The following HK2 variants were observed in gnomAD, a reference collection of about 807,000 sequenced individuals.
HK2 encodes hexokinase 2.
A neutral mutation model predicts 92.9 loss-of-function variants in HK2; 42 were observed. That is an observed-to-expected ratio of 0.45 (90% CI 0.35 to 0.58). HK2 has a LOEUF of 0.58. Ranked by LOEUF, HK2 falls within the 20% of genes least tolerant of loss-of-function variation. The pLI, the probability that HK2 is intolerant of heterozygous loss-of-function variation, is 0.00. For synonymous variants in HK2, 422 were observed against 468.0 expected (o/e 0.90, Z 1.27); for missense variants, 978 against 1,245.1 (o/e 0.79, Z 3.23).
In HK2 at chr2:74,890,892, C is replaced by T. The variant is rs1220012365; in HGVS notation, c.2705C>T (p.Ala902Val). 22 of 1,614,092 alleles carry T rather than the reference C, an allele frequency of 1.4e-5. No homozygotes were observed. The highest frequency in any genetic ancestry group is 2.2e-5 in the East Asian group (1 of 44,888). Residue 902 changes from alanine to valine, a missense_variant, in exon 18 of 18, where the codon GCG (alanine) becomes GTG (valine). Around this residue, in one of 3 missense-constraint regions of HK2, gnomAD observed 742 missense variants for 922.5 expected, o/e 0.80. Transcript: ENST00000290573. Reference sequence around the variant, plus strand: ...GAGGATGGCAGCGGGAAGGGGGCGGCGCTCATCACTGCTGTGGCCTGCCGC... The same window carrying T: ...GAGGATGGCAGCGGGAAGGGGGCGGTGCTCATCACTGCTGTGGCCTGCCGC... The part of the protein sequence containing the change: ...QSEDGSGKGA[A>V]LITAVACRIR...
At chr2:74,871,428 T>C (rs1573378684) in intron 3 of HK2, among the ~76,000 whole-genome samples, 1 of 152,202 alleles carries the variant, frequency 6.6e-6, no homozygotes, top group South Asian at 2.1e-4. Context: ...TGAATGCCTC[T>C]AGTCTCAGCC....
intron 1 of HK2, among the ~76,000 whole-genome samples, chr2:74,836,668 A>C (rs1400665504): frequency 6.6e-6 from 1 of 152,206 alleles, no homozygotes; most frequent in African/African-American, 2.4e-5. Flanking sequence ...CCTTTAACTC[A>C]GTAATTGTCA....
chr2:74,872,475 G>A (rs1689119821), intron 4 of HK2, 56 bp downstream of exon 4: 2 of 1,609,074 alleles, frequency 1.2e-6, no homozygotes, highest in Admixed American at 3.3e-5. Context: ...GGAGGGCTGA[G>A]AGGGACTTCT....
At chr2:74,889,861 T>G (rs1344540470) in intron 17 of HK2, among the ~76,000 whole-genome samples, 1 of 152,270 alleles carries the variant, frequency 6.6e-6, no homozygotes, top group Non-Finnish European at 1.5e-5. Context: ...CTGGCTTTTC[T>G]CACACAGTGT....
intron 1 of HK2, among the ~76,000 whole-genome samples, chr2:74,847,626 G>A (rs6756096): frequency 0.018 from 2,763 of 152,244 alleles, 75 homozygotes; most frequent in African/African-American, 0.062. Context: ...TAAGGCTGCA[G>A]CCTAGGAGTT....
At chr2:74,842,754 A>T (rs1008823851) in intron 1 of HK2, among the ~76,000 whole-genome samples, 1 of 152,156 alleles carries the variant, frequency 6.6e-6, no homozygotes, top group Non-Finnish European at 1.5e-5. Flanking sequence ...CTTCCTCTAA[A>T]TTGCTTTTCT....
chr2:74,848,096 T>TAG (rs1688485090), intron 1 of HK2, among the ~76,000 whole-genome samples: 1 of 152,230 alleles, frequency 6.6e-6, no homozygotes, highest in East Asian at 1.9e-4. Flanking sequence ...CTTTTCACAC[T>TAG]GCTGTCTCTA....
At chr2:74,845,770 A>G (rs948483264) in intron 1 of HK2, among the ~76,000 whole-genome samples, 3 of 152,196 alleles carry the variant, frequency 2.0e-5, no homozygotes, top group African/African-American at 7.2e-5. Context: ...ATGGGCTTTC[A>G]GAGGACAGGA....
intron 1 of HK2, among the ~76,000 whole-genome samples, chr2:74,842,380 A>G (rs1688334406): frequency 1.3e-5 from 2 of 152,226 alleles, no homozygotes; most frequent in South Asian, 2.1e-4. Flanking sequence ...TTATTGTAAA[A>G]TAGGCTTTGT....
Position 74,834,237 on chromosome 2 carries a change from G to C in HK2, c.-344G>C, listed in dbSNP as rs1688090756. On this transcript the variant is annotated 5_prime_UTR_variant, in exon 1 of 18. Coordinates refer to ENST00000290573, the MANE Select transcript of HK2 (RefSeq NM_000189.5). The surrounding 1 kb of genome is among the most constrained non-coding windows in gnomAD (Gnocchi z 4.2). ...GAGCCACGCGCCTGTGAATCGGAGA[G>C]GTCCCACTGCCCGAGTGGAGCCGGG... 1 of 414,710 alleles carries C rather than the reference G, an allele frequency of 2.4e-6. No individual in the cohort carries two copies. Among genetic ancestry groups the C allele is most frequent in the Non-Finnish European group, 4.6e-6 (1 of 218,880 alleles). 25.7% of individuals were successfully genotyped at this position (414,710 alleles called of 1,614,324 possible).
chr2:74,861,048 C>G (rs1688813905), intron 2 of HK2, among the ~76,000 whole-genome samples: 1 of 152,194 alleles, frequency 6.6e-6, no homozygotes, highest in South Asian at 2.1e-4. Context: ...TGGTACCAGC[C>G]CTAACGCAGT....
chr2:74,838,619 A>G, intron 1 of HK2, among the ~76,000 whole-genome samples: 1 of 151,252 alleles, frequency 6.6e-6, no homozygotes, highest in Non-Finnish European at 1.5e-5. Context: ...GCTCACTGCA[A>G]ACTCCACCTC....
At chr2:74,882,314 G>A in intron 12 of HK2, 75 bp downstream of exon 12, 1 of 1,607,156 alleles carries the variant, frequency 6.2e-7, no homozygotes, top group Non-Finnish European at 8.5e-7. Flanking sequence ...TATGGAGCAG[G>A]GGAGAAAGTT....
In HK2 at chr2:74,834,635, G is replaced by C. The variant is rs760644714; in HGVS notation, c.55G>C (p.Val19Leu). 6.2e-7 allele frequency: 1 copy of C among 1,613,976 alleles called. No homozygotes were observed. The highest frequency in any genetic ancestry group is 1.7e-5 in the Admixed American group (1 of 60,028). ...CTTCACGGAGCTCAACCATGACCAA[G>C]TGCAGAAGGTAAGTCAGCGCGGGCG... ...YFFTELNHDQ[V>L]QKVDQYLYHM... Residue 19 changes from valine to leucine, a missense_variant, in exon 1 of 18, where the codon GTG becomes CTG. Val to Leu is a conservative substitution (Grantham distance 32, BLOSUM62 1). Coordinates refer to ENST00000290573, the MANE Select transcript of HK2 (RefSeq NM_000189.5). The surrounding 1 kb of genome is among the most constrained non-coding windows in gnomAD (Gnocchi z 4.2).
chr2:74,874,007 G>T (rs542205783), intron 6 of HK2, 64 bp downstream of exon 6: 31 of 1,281,104 alleles, frequency 2.4e-5, no homozygotes, highest in Non-Finnish European at 3.2e-5. Context: ...GGCTGGAAAG[G>T]GAGAAGGGGC....
chr2:74,871,414 C>T (rs527993810), intron 3 of HK2, among the ~76,000 whole-genome samples: 11 of 152,360 alleles, frequency 7.2e-5, no homozygotes, highest in African/African-American at 2.4e-4. Flanking sequence ...TTACTTTTTA[C>T]ACCTGAATGC....
chr2:74,850,529 C>T (rs933111504), intron 1 of HK2, among the ~76,000 whole-genome samples: 10 of 152,104 alleles, frequency 6.6e-5, no homozygotes, highest in African/African-American at 2.4e-4. Context: ...GAACTAGTTA[C>T]CCTAAGGGCC....
intron 9 of HK2, among the ~76,000 whole-genome samples, 158 bp downstream of exon 9, chr2:74,879,079 G>A (rs1001917664): frequency 6.6e-5 from 10 of 152,172 alleles, no homozygotes; most frequent in Admixed American, 1.3e-4. Context: ...GGGCAAGGGG[G>A]AATGGGAGGA....
In HK2 at chr2:74,834,485, C is replaced by G. The variant is rs1688099604; in HGVS notation, c.-96C>G. ...GACTCCCAGCTCCCGGCCCGGCAGC[C>G]GAGCCCCAGCACAAAGCAGTCGGAC... On this transcript the variant is annotated 5_prime_UTR_variant, in exon 1 of 18. Transcript: ENST00000290573. The surrounding 1 kb of genome is among the most constrained non-coding windows in gnomAD (Gnocchi z 4.2). 13 of 1,276,132 alleles carry G rather than the reference C, an allele frequency of 1.0e-5. No homozygotes were observed. Among genetic ancestry groups the G allele is most frequent in the Non-Finnish European group, 1.5e-5 (13 of 881,964 alleles). 79.1% of individuals were successfully genotyped at this position (1,276,132 alleles called of 1,614,324 possible).
Sources: allele counts gnomAD v4.1 joint callset (sites outside exome capture counted in the v4.1 genomes callset), GRCh38; gene constraint gnomAD v4.1.1; regional missense constraint gnomAD v4.1.1; non-coding constraint Gnocchi (gnomAD v3.1); transcripts MANE v1.5; gene names NCBI Gene and HGNC (gene_info 2026-07-23, HGNC 2026-07-21).